PTPRN2: variants seen among roughly 807,000 people sequenced by gnomAD.
PTPRN2 encodes the protein receptor-type tyrosine-protein phosphatase N2.
PTPRN2 carries 74 observed loss-of-function variants against 118.8 expected under a neutral mutation model. The ratio of observed to expected loss-of-function variants is 0.62; its 90% CI spans 0.52 to 0.76. The LOEUF is 0.76. PTPRN2 is among the 30% of genes least tolerant of loss of function. The pLI is 0.00. For synonymous variants in PTPRN2, 641 were observed against 608.0 expected (o/e 1.05, Z -0.80); for missense variants, 1,481 against 1,394.4 (o/e 1.06, Z -0.99).
At chr7:158,401,779 G>GGAGAAGCTGGGAA (rs1161468200) in intron 2 of PTPRN2, among the ~76,000 whole-genome samples, 3 of 152,222 alleles carry the variant, frequency 2.0e-5, no homozygotes, top group Non-Finnish European at 4.4e-5. Flanking sequence ...AATTCCTAAG[G>GGAGAAGCTGGGAA]GAGAAGCTGG....
intron 3 of PTPRN2, among the ~76,000 whole-genome samples, chr7:158,268,586 G>T (rs1459228570): frequency 2.8e-5 from 4 of 143,232 alleles, no homozygotes; most frequent in African/African-American, 1.0e-4. Context: ...CACAGGGCGG[G>T]TGTGAAATAT....
intron 12 of PTPRN2, among the ~76,000 whole-genome samples, chr7:157,862,215 T>G (rs1009271217): frequency 2.0e-5 from 3 of 152,280 alleles, no homozygotes; most frequent in African/African-American, 7.2e-5. Flanking sequence ...CCAAGCGAAC[T>G]GTGTCTGCAA....
At chr7:157,804,191 C>G (rs1805489168) in intron 12 of PTPRN2, among the ~76,000 whole-genome samples, 1 of 152,212 alleles carries the variant, frequency 6.6e-6, no homozygotes, top group Admixed American at 6.6e-5. Flanking sequence ...CCTGTTTACC[C>G]AATGCCCCCG....
intron 2 of PTPRN2, among the ~76,000 whole-genome samples, chr7:158,476,101 C>T (rs1227307491): frequency 6.6e-6 from 1 of 152,192 alleles, no homozygotes; most frequent in East Asian, 1.9e-4. Flanking sequence ...TCTTCCTGGG[C>T]TCAAGTGATC....
intron 11 of PTPRN2, among the ~76,000 whole-genome samples, chr7:158,038,114 A>C (rs1291075176): frequency 6.6e-6 from 1 of 152,230 alleles, no homozygotes; most frequent in African/African-American, 2.4e-5. Flanking sequence ...CACTTTGTAT[A>C]TGTTATACTC....
chr7:157,691,002 G>A (rs1797457976), intron 12 of PTPRN2, among the ~76,000 whole-genome samples: 1 of 146,654 alleles, frequency 6.8e-6, no homozygotes, highest in Admixed American at 6.7e-5. Context: ...CTTATATCCG[G>A]CCCGGCGCGC....
intron 10 of PTPRN2, among the ~76,000 whole-genome samples, chr7:158,094,609 C>A (rs112453767): frequency 8.9e-4 from 135 of 152,288 alleles, no homozygotes; most frequent in African/African-American, 3.0e-3. Context: ...TCCCGGCCCC[C>A]ATCTGTGCTT....
chr7:157,675,135 C>T (rs1796603454), intron 13 of PTPRN2, among the ~76,000 whole-genome samples: 1 of 151,532 alleles, frequency 6.6e-6, no homozygotes. Context: ...TTTTACACTT[C>T]CCTTTACTCC....
chr7:158,340,453 C>A (rs1336506296), intron 2 of PTPRN2, among the ~76,000 whole-genome samples: 2 of 106,534 alleles, frequency 1.9e-5, no homozygotes, highest in African/African-American at 3.3e-5. Flanking sequence ...CTGACACCCG[C>A]AGACGTCACT....
intron 12 of PTPRN2, among the ~76,000 whole-genome samples, chr7:157,890,830 G>A (rs541528422): frequency 7.2e-5 from 11 of 152,182 alleles, no homozygotes; most frequent in Non-Finnish European, 1.6e-4. Context: ...CACCTCACCT[G>A]TTGGCATTTC....
chr7:158,464,092 C>T (rs113717791), intron 2 of PTPRN2, among the ~76,000 whole-genome samples: 8 of 72,442 alleles, frequency 1.1e-4, no homozygotes, highest in African/African-American at 3.9e-4. Context: ...TCATCCTTAC[C>T]ATCGCCATCA....
chr7:157,904,808 G>A (rs993526156), intron 11 of PTPRN2, among the ~76,000 whole-genome samples: 8 of 152,146 alleles, frequency 5.3e-5, no homozygotes, highest in Non-Finnish European at 1.0e-4. Flanking sequence ...CCTGCATCGC[G>A]AACGCTGCAC....
Position 157,596,082 on chromosome 7 carries a change from C to G in PTPRN2, c.2419-767G>C, listed in dbSNP as rs150351320. 1.5e-4 allele frequency among the ~76,000 whole-genome samples: 23 copies of G among 152,352 alleles called. No homozygotes were observed. Among genetic ancestry groups the G allele is most frequent in the South Asian group, 6.2e-4 (3 of 4,828 alleles). On this transcript the variant is annotated intron_variant, in intron 16 of 22. Transcript: ENST00000389418. This position sits in a 1 kb window ranked among gnomAD's most constrained non-coding sequence, Gnocchi z 4.2. ...CCTCTTGCTAGAGCCACAGGGCTGG[C>G]TGGGGTGAGGCTGAGCTCCAAGCTC...
intron 21 of PTPRN2, among the ~76,000 whole-genome samples, chr7:157,562,632 G>A (rs529773644): frequency 1.3e-5 from 2 of 152,314 alleles, no homozygotes; most frequent in South Asian, 2.1e-4. Flanking sequence ...CGACAAAGAC[G>A]TTCTGCTGTC....
rs1412136186 is a variant in PTPRN2, at chr7:158,071,369, G to GGTGGTGGAGGTGCTC, written c.1723+9914_1723+9928dup. ...TGCTCGTGGTGGTGGAGGTGCTCATGGTGGTGGAGGTGCTCGTGGTGGAGG... is the reference window on the plus strand; with the variant it reads ...TGCTCGTGGTGGTGGAGGTGCTCATGGTGGTGGAGGTGCTCGTGGTGGAGGTGCTCGTGGTGGAGG... On this transcript the variant is annotated intron_variant, in intron 11 of 22. Coordinates refer to ENST00000389418, the MANE Select transcript of PTPRN2 (RefSeq NM_002847.5). Among the ~76,000 whole-genome samples, 65 of 76,932 alleles carry GGTGGTGGAGGTGCTC rather than the reference G, an allele frequency of 8.4e-4. 1 individual carries two copies. The highest frequency in any genetic ancestry group is 1.5e-3 in the Admixed American group (10 of 6,860). The allele number at this position is 76,932 out of a possible 152,430, so 50.5% of individuals were successfully genotyped here.
At chr7:158,073,058 G>A (rs943160134) in intron 11 of PTPRN2, among the ~76,000 whole-genome samples, 10 of 152,236 alleles carry the variant, frequency 6.6e-5, no homozygotes, top group South Asian at 2.1e-4. Context: ...GCAGTGGCTC[G>A]GCTGTAGCTG....
chr7:158,166,868 C>A, intron 6 of PTPRN2, 63 bp downstream of exon 6: 1 of 1,399,422 alleles, frequency 7.1e-7, no homozygotes, highest in Non-Finnish European at 9.3e-7. Context: ...GTGCGTCTGT[C>A]ACTGGGAGGG....
At chr7:157,943,885 C>T (rs1014735706) in intron 11 of PTPRN2, among the ~76,000 whole-genome samples, 8 of 152,234 alleles carry the variant, frequency 5.3e-5, no homozygotes, top group African/African-American at 1.9e-4. Flanking sequence ...TTGATCACTA[C>T]ACCATCCCCT....
intron 19 of PTPRN2, among the ~76,000 whole-genome samples, chr7:157,576,231 C>T (rs1473497196): frequency 1.3e-5 from 2 of 152,164 alleles, no homozygotes; most frequent in Non-Finnish European, 2.9e-5. Flanking sequence ...TCTGGGCCTG[C>T]GCTCGCTACC....
Sources: gnomAD v4.1 joint callset for allele counts (sites outside exome capture counted in the v4.1 genomes callset) on GRCh38, gnomAD v4.1.1 for gene constraint, Gnocchi (gnomAD v3.1) non-coding constraint, MANE v1.5 for transcripts, NCBI Gene and HGNC (gene_info 2026-07-23, HGNC 2026-07-21) for gene names.